Variants in DNASE1 observed in about 807,000 individuals in gnomAD.
DNASE1 encodes the protein deoxyribonuclease-1.
In DNASE1, 40 loss-of-function variants were observed where a neutral mutation model predicts 33.9. That is an observed-to-expected ratio of 1.18 (90% CI 0.92 to 1.54). DNASE1 has a LOEUF of 1.54. DNASE1 is among the 40% of genes most tolerant of loss of function. The pLI is 0.00. For synonymous variants in DNASE1, 216 were observed against 160.0 expected (o/e 1.35, Z -2.64); for missense variants, 518 against 372.6 (o/e 1.39, Z -3.21).
chr16:3,656,915 T>G (rs1430263513), intron 5 of DNASE1, 84 bp from the exon 6 acceptor site: 1 of 1,564,910 alleles, frequency 6.4e-7, no homozygotes, highest in Non-Finnish European at 8.6e-7. Flanking sequence ...CCGGGGGGAC[T>G]GTCATGATAC....
At chr16:3,652,074 C>T (rs561003913), upstream of DNASE1, 12 of 152,468 alleles carry the variant, frequency 7.9e-5, no homozygotes, top group African/African-American at 2.6e-4. Context: ...GGCAGCCACA[C>T]AGCAGGCAGC....
chr16:3,618,608 A>C (rs999398992), intron 1 of DNASE1, among the ~76,000 whole-genome samples: 31 of 152,110 alleles, frequency 2.0e-4, no homozygotes, highest in African/African-American at 7.2e-4. Context: ...TGGGTGCCTG[A>C]ATCCCAACTA....
upstream of DNASE1, among the ~76,000 whole-genome samples, chr16:3,650,311 T>G (rs896401421): frequency 1.3e-5 from 2 of 152,258 alleles, no homozygotes. Flanking sequence ...CATCTTCCAC[T>G]CAAGTATCAA....
At chr16:3,623,866 T>TA (rs1454889630) in intron 1 of DNASE1, among the ~76,000 whole-genome samples, 3 of 152,224 alleles carry the variant, frequency 2.0e-5, no homozygotes, top group Admixed American at 6.5e-5. Context: ...GATATCATCT[T>TA]ACACTGGTCA....
Position 3,657,956 on chromosome 16 carries a change from A to G in DNASE1, c.*3A>G. 1.2e-6 allele frequency: 2 copies of G among 1,613,920 alleles called. No individual in the cohort carries two copies. The highest frequency in any genetic ancestry group is 1.7e-6 in the Non-Finnish European group (2 of 1,179,928). On this transcript the variant is annotated 3_prime_UTR_variant, in exon 9 of 9. Coordinates refer to ENST00000246949, the MANE Select transcript of DNASE1 (RefSeq NM_005223.4). ...CAGTGGAGGTGATGCTGAAGTGAGC[A>G]GCCCCTCCCCACACCAGTTGAACTG...
chr16:3,628,894 G>C (rs1217812856), intron 1 of DNASE1, among the ~76,000 whole-genome samples: 78 of 146,410 alleles, frequency 5.3e-4, no homozygotes, highest in Admixed American at 4.5e-3. Flanking sequence ...CTTTTAGGCT[G>C]GGCGCAGTGG....
chr16:3,612,851 C>A (rs758583794), intron 1 of DNASE1, among the ~76,000 whole-genome samples: 1 of 152,148 alleles, frequency 6.6e-6, no homozygotes, highest in Non-Finnish European at 1.5e-5. Context: ...AAATATGGAG[C>A]ATAGTCAAGA....
chr16:3,614,652 G>T (rs565534404), intron 1 of DNASE1, among the ~76,000 whole-genome samples: 155 of 152,292 alleles, frequency 1.0e-3, no homozygotes, highest in Middle Eastern at 6.8e-3. Flanking sequence ...TTAGATAAAG[G>T]GGGGAGGCTG....
chr16:3,655,489 C>G lies in DNASE1; in HGVS notation c.116C>G (p.Ser39Cys). The G allele has an allele frequency of 6.2e-7, 1 of 1,614,142 alleles. No homozygotes were observed. The highest frequency in any genetic ancestry group is 1.1e-5 in the South Asian group (1 of 91,092). Residue 39 changes from serine (S) to cysteine (C), a missense_variant, in exon 2 of 9, where the codon TCC becomes TGC. By Grantham distance (112) the Ser-to-Cys change is moderately radical. Transcript: ENST00000246949. The stretch of plus-strand genomic sequence containing the variant: ...CAGACATTTGGGGAGACCAAGATGT[C>G]CAATGCCACCCTCGTCAGCTACATT... Reference protein sequence around the residue: ...NIQTFGETKMSNATLVSYIVQ... With the variant: ...NIQTFGETKMCNATLVSYIVQ...
At chr16:3,640,069 A>T (rs2041988505), upstream of DNASE1, among the ~76,000 whole-genome samples, 1 of 152,192 alleles carries the variant, frequency 6.6e-6, no homozygotes, top group Non-Finnish European at 1.5e-5. Context: ...TAGCTCTATT[A>T]CTAAGGGTGA....
downstream of DNASE1, chr16:3,659,598 TAGAAGTC>T (rs1343705687): frequency 3.3e-5 from 5 of 152,204 alleles, no homozygotes; most frequent in Admixed American, 6.5e-5. Flanking sequence ...ATTTTTCACT[TAGAAGTC>T]TGATAAAACC....
In DNASE1 at chr16:3,657,662, G is replaced by A. The variant is rs139438235; in HGVS notation, c.705-58G>A. The stretch of plus-strand genomic sequence containing the variant: ...GGCTCTTAGTTTAGTTCCTGCGGGT[G>A]CTGAGCCAGGCCCATGTGTGAAAGG... On this transcript the variant is annotated intron_variant, in intron 7 of 8. Coordinates refer to ENST00000246949, the MANE Select transcript of DNASE1 (RefSeq NM_005223.4). 8.7e-5 allele frequency: 140 copies of A among 1,605,218 alleles called. No homozygotes were observed. The African/African-American group carries it at 1.4e-3, about 15-fold the overall frequency.
Position 3,656,996 on chromosome 16 carries a change from C to A in DNASE1, c.437-3C>A, listed in dbSNP as rs754414801. ...GCCTCACACGACGTGGCTGTCTCCACAGAGGTCAGGGAGTTTGCCATTGTT... is the reference window on the plus strand; with the variant it reads ...GCCTCACACGACGTGGCTGTCTCCAAAGAGGTCAGGGAGTTTGCCATTGTT... On this transcript the variant is annotated splice_region_variant and splice_polypyrimidine_tract_variant and intron_variant, in intron 5 of 8. Coordinates refer to ENST00000246949, the MANE Select transcript of DNASE1 (RefSeq NM_005223.4). 2.5e-6 allele frequency: 4 copies of A among 1,613,408 alleles called. No homozygotes were observed. Among genetic ancestry groups the A allele is most frequent in the Non-Finnish European group, 2.5e-6 (3 of 1,179,862 alleles).
intron 1 of DNASE1, 92 bp from the exon 2 acceptor site, chr16:3,655,281 A>C: frequency 6.4e-7 from 1 of 1,570,226 alleles, no homozygotes; most frequent in South Asian, 1.1e-5. Context: ...GAGCTCCACC[A>C]GCCCCTGCCA....
At position 3,656,749 on chromosome 16, in the gene DNASE1, C is replaced by T; in HGVS notation, c.432C>T (p.Phe144=). 6.2e-7 allele frequency: 1 copy of T among 1,606,344 alleles called. No homozygotes were observed. Among genetic ancestry groups the T allele is most frequent in the African/African-American group, 1.3e-5 (1 of 74,758 alleles). Residue 144 remains phenylalanine, a synonymous_variant, in exon 5 of 9, where the codon TTC becomes TTT. Transcript: ENST00000246949. The part of the protein sequence containing the change: ...EPAIVRFFSR[F]TEVREFAIVP... ...CCATTGTCAGGTTCTTCTCCCGGTT[C>T]ACAGGTGGGTGCTGCCTGGGCCAGG...
intron 1 of DNASE1, among the ~76,000 whole-genome samples, chr16:3,643,445 C>G (rs1400744990): frequency 6.6e-6 from 1 of 152,196 alleles, no homozygotes; most frequent in Non-Finnish European, 1.5e-5. Context: ...CCCTGCCTCG[C>G]CGGGACAAGC....
At chr16:3,659,359 G>A (rs1201662046), downstream of DNASE1, 3 of 152,392 alleles carry the variant, frequency 2.0e-5, no homozygotes, top group Non-Finnish European at 2.9e-5. Context: ...GGGATGACTG[G>A]GAGCCATGCA....
exon 10 of DNASE1, chr16:3,664,745 A>C: frequency 5.1e-6 from 2 of 389,232 alleles, no homozygotes; most frequent in Non-Finnish European, 9.3e-6. Context: ...ACCCCACCCA[A>C]CAGCAGAGCC....
At chr16:3,659,718 C>CCTAA (rs1245002355), downstream of DNASE1, 1 of 151,656 alleles carries the variant, frequency 6.6e-6, no homozygotes, top group African/African-American at 2.4e-5. Context: ...CATTCCATTT[C>CCTAA]CTAACTGCAT....
Sources: allele counts gnomAD v4.1 joint callset (sites outside exome capture counted in the v4.1 genomes callset), GRCh38; gene constraint gnomAD v4.1.1; transcripts MANE v1.5; gene names NCBI Gene and HGNC (gene_info 2026-07-23, HGNC 2026-07-21).